The following SUGCT variants were observed in gnomAD, a reference collection of about 807,000 sequenced individuals.
SUGCT encodes succinyl-CoA:glutarate CoA-transferase.
A neutral mutation model predicts 55.0 loss-of-function variants in SUGCT; 41 were observed. The observed-to-expected ratio is 0.74, with a 90% CI of 0.58 to 0.97. SUGCT has a LOEUF of 0.97. Among genes scored for constraint, SUGCT ranks in the 50% least tolerant of loss-of-function variants. SUGCT has a pLI of 0.00. For synonymous variants in SUGCT, 187 were observed against 200.4 expected (o/e 0.93, Z 0.56); for missense variants, 568 against 547.8 (o/e 1.04, Z -0.37).
chr7:40,983,518 T>C, the SUGCT span, among the ~76,000 whole-genome samples: 8 of 152,330 alleles, frequency 5.3e-5, no homozygotes, highest in Non-Finnish European at 8.8e-5. Flanking sequence ...GTTCCTTTTG[T>C]AACTGGTGCT....
intron 12 of SUGCT, among the ~76,000 whole-genome samples, chr7:40,697,226 A>G (rs777084571): frequency 6.6e-6 from 1 of 152,186 alleles, no homozygotes; most frequent in African/African-American, 2.4e-5. Context: ...TCCGATCTCT[A>G]TGACTCTTTT....
intron 10 of SUGCT, among the ~76,000 whole-genome samples, chr7:40,456,595 G>A (rs537035946): frequency 6.6e-5 from 10 of 152,060 alleles, no homozygotes; most frequent in Non-Finnish European, 1.3e-4. Flanking sequence ...AAGTGGTCAA[G>A]GGAAGAGGGA....
At chr7:40,772,379 G>A (rs1019799215) in intron 13 of SUGCT, among the ~76,000 whole-genome samples, 27 of 151,990 alleles carry the variant, frequency 1.8e-4, no homozygotes, top group Non-Finnish European at 3.1e-4. Flanking sequence ...TAAAAAGACA[G>A]AGTTCCATGT....
the SUGCT span, among the ~76,000 whole-genome samples, chr7:40,907,311 A>G: frequency 1.3e-5 from 2 of 152,146 alleles, no homozygotes; most frequent in African/African-American, 4.8e-5. Context: ...ACAGAAATCA[A>G]CATCCCTGAA....
intron 7 of SUGCT, among the ~76,000 whole-genome samples, chr7:40,261,540 TA>T (rs1422864342): frequency 6.6e-6 from 1 of 152,226 alleles, no homozygotes; most frequent in Non-Finnish European, 1.5e-5. Flanking sequence ...GAAACAATGC[TA>T]GCTCCTTTCT....
At chr7:40,517,363 G>C (rs771033588) in intron 12 of SUGCT, among the ~76,000 whole-genome samples, 3 of 151,298 alleles carry the variant, frequency 2.0e-5, no homozygotes, top group Non-Finnish European at 4.4e-5. Context: ...GATCTCCCTG[G>C]ATAGGACCTC....
At chr7:41,024,552 G>A in the SUGCT span, among the ~76,000 whole-genome samples, 1 of 147,616 alleles carries the variant, frequency 6.8e-6, no homozygotes, top group Non-Finnish European at 1.5e-5. Flanking sequence ...TAGCAGAAGA[G>A]AAAACCCTAA....
At chr7:40,289,359 T>C (rs1793577426) in intron 8 of SUGCT, among the ~76,000 whole-genome samples, 1 of 152,152 alleles carries the variant, frequency 6.6e-6, no homozygotes, top group Non-Finnish European at 1.5e-5. Flanking sequence ...AAATACTGTG[T>C]TTTTTTCCTA....
the SUGCT span, among the ~76,000 whole-genome samples, chr7:40,973,628 G>A: frequency 1.3e-5 from 2 of 152,242 alleles, no homozygotes; most frequent in Non-Finnish European, 2.9e-5. Context: ...GCTGGTGCAT[G>A]CGTCCTGGCA....
chr7:40,740,575 AT>A (rs1282970828), intron 12 of SUGCT, among the ~76,000 whole-genome samples: 1 of 149,054 alleles, frequency 6.7e-6, no homozygotes, highest in East Asian at 2.0e-4. Flanking sequence ...TTTTATTATT[AT>A]TTTTTTCCTT....
At chr7:40,933,339 G>A in the SUGCT span, among the ~76,000 whole-genome samples, 1 of 152,122 alleles carries the variant, frequency 6.6e-6, no homozygotes, top group African/African-American at 2.4e-5. Flanking sequence ...TGGGTAACTC[G>A]ACCTTTCTCT....
intron 8 of SUGCT, among the ~76,000 whole-genome samples, chr7:40,313,570 T>A (rs536615169): frequency 2.4e-4 from 36 of 152,218 alleles, no homozygotes; most frequent in Non-Finnish European, 4.4e-4. Context: ...GAATTCTTTT[T>A]TCCCCAACTT....
intron 12 of SUGCT, among the ~76,000 whole-genome samples, chr7:40,744,270 C>T (rs1300664449): frequency 6.6e-6 from 1 of 151,996 alleles, no homozygotes; most frequent in Non-Finnish European, 1.5e-5. Context: ...AATGCCTTGC[C>T]CAAGATCACC....
the SUGCT span, among the ~76,000 whole-genome samples, chr7:41,027,612 AT>A: frequency 6.6e-6 from 1 of 152,208 alleles, no homozygotes; most frequent in African/African-American, 2.4e-5. Flanking sequence ...GTTTGTGGTT[AT>A]GAGAGCATCG....
At chr7:40,830,273 T>C (rs1320257041) in intron 13 of SUGCT, among the ~76,000 whole-genome samples, 1 of 152,160 alleles carries the variant, frequency 6.6e-6, no homozygotes, top group Non-Finnish European at 1.5e-5. Flanking sequence ...ACTCAAGACC[T>C]TCCAAGGGCT....
chr7:40,188,504 A>T lies in SUGCT; in HGVS notation c.236A>T (p.Asp79Val), dbSNP rs1785686981. The change falls in exon 4 of 14, where the codon GAT (aspartate) becomes GTT (valine). Residue 79 changes from aspartate (D) to valine (V), a missense_variant. Asp to Val is a radical substitution (Grantham distance 152). Transcript: ENST00000335693. ...VIKVERPGAGDDTRTWGPPFV... is the reference protein window; with the variant it reads ...VIKVERPGAGVDTRTWGPPFV... ...ATGTTATTATTTTCAGGAGCTGGTG[A>T]TGATACACGAACTTGGGGGCCACCT... 6 of 1,576,252 alleles carry T rather than the reference A, an allele frequency of 3.8e-6. No individual in the cohort carries two copies. In the African/African-American group the frequency reaches 6.8e-5, roughly 18 times the overall value.
chr7:40,188,631 G>A, intron 4 of SUGCT, 51 bp downstream of exon 4: 1 of 1,182,334 alleles, frequency 8.5e-7, no homozygotes, highest in South Asian at 1.4e-5. Flanking sequence ...TCTTATAATA[G>A]CAAAACTGTT....
chr7:40,647,280 A>G (rs1800565836), intron 12 of SUGCT, among the ~76,000 whole-genome samples: 1 of 152,186 alleles, frequency 6.6e-6, no homozygotes, highest in Non-Finnish European at 1.5e-5. Flanking sequence ...ACAAATATCT[A>G]AGGGGTCACT....
At chr7:40,647,074 G>A (rs954844072) in intron 12 of SUGCT, among the ~76,000 whole-genome samples, 19 of 152,198 alleles carry the variant, frequency 1.2e-4, no homozygotes, top group Non-Finnish European at 2.2e-4. Flanking sequence ...TTCAGCACAT[G>A]CAGCTTGACA....
Sources: gnomAD v4.1 joint callset for allele counts (sites outside exome capture counted in the v4.1 genomes callset) on GRCh38, gnomAD v4.1.1 for gene constraint, MANE v1.5 for transcripts, NCBI Gene and HGNC (gene_info 2026-07-23, HGNC 2026-07-21) for gene names.